VPS13B: variants seen among roughly 807,000 people sequenced by gnomAD.
VPS13B encodes vacuolar protein sorting 13 homolog B.
A neutral mutation model predicts 426.4 loss-of-function variants in VPS13B; 285 were observed. The observed-to-expected ratio is 0.67, with a 90% CI of 0.61 to 0.74. The LOEUF is 0.74. Among genes scored for constraint, VPS13B ranks in the 30% least tolerant of loss-of-function variants. VPS13B has a pLI of 0.00. For missense variants in VPS13B, 4,537 were observed against 4,782.6 expected, an observed-to-expected ratio of 0.95 and a Z score of 1.51; for synonymous variants, 1,676 against 1,676.4, an observed-to-expected ratio of 1.00 and a Z score of 0.01.
At chr8:99,205,257 G>A (rs950413107) in intron 17 of VPS13B, among the ~76,000 whole-genome samples, 11 of 152,096 alleles carry the variant, frequency 7.2e-5, no homozygotes, top group African/African-American at 2.4e-5. Context: ...CACATGAACA[G>A]AAAACCAAAC....
intron 19 of VPS13B, among the ~76,000 whole-genome samples, chr8:99,285,293 A>G (rs910147187): frequency 1.3e-5 from 2 of 152,206 alleles, no homozygotes; most frequent in African/African-American, 4.8e-5. Context: ...GAAAGGTCCC[A>G]GATTCTGGAA....
At chr8:99,150,560 A>G (rs1356208063) in intron 14 of VPS13B, among the ~76,000 whole-genome samples, 2 of 152,098 alleles carry the variant, frequency 1.3e-5, no homozygotes, top group Admixed American at 6.6e-5. Flanking sequence ...CTCCCTAACC[A>G]CTGGCAACCA....
chr8:99,704,836 C>T (rs1213842326), intron 36 of VPS13B, among the ~76,000 whole-genome samples: 2 of 152,068 alleles, frequency 1.3e-5, no homozygotes, highest in African/African-American at 4.8e-5. Context: ...TTTTATTTGT[C>T]ATTTTGGCAT....
intron 43 of VPS13B, among the ~76,000 whole-genome samples, chr8:99,802,859 T>G (rs1486694577): frequency 6.6e-6 from 1 of 152,206 alleles, no homozygotes; most frequent in Non-Finnish European, 1.5e-5. Flanking sequence ...TATCTTTCCC[T>G]TCCCAACACT....
intron 16 of VPS13B, among the ~76,000 whole-genome samples, chr8:99,179,589 C>A (rs573996772): frequency 8.5e-5 from 13 of 152,102 alleles, no homozygotes; most frequent in African/African-American, 2.9e-4. Flanking sequence ...TGGTCACTTC[C>A]CCTCTAAAAT....
intron 15 of VPS13B, among the ~76,000 whole-genome samples, chr8:99,169,224 C>T (rs1299051192): frequency 6.6e-6 from 1 of 151,920 alleles, no homozygotes; most frequent in Non-Finnish European, 1.5e-5. Context: ...AAAACAGTAA[C>T]TCTTTGTTTT....
At chr8:99,096,173 A>T in intron 3 of VPS13B, 139 bp from the exon 4 acceptor site, 1 of 914,322 alleles carries the variant, frequency 1.1e-6, no homozygotes, top group Non-Finnish European at 1.6e-6. Flanking sequence ...TTGGTTATGT[A>T]GTTTTTAGAG....
intron 19 of VPS13B, among the ~76,000 whole-genome samples, chr8:99,379,856 A>T (rs1043152576): frequency 6.6e-6 from 1 of 152,166 alleles, no homozygotes; most frequent in Non-Finnish European, 1.5e-5. Flanking sequence ...AAAGAAATTC[A>T]TAGTAATTTA....
intron 49 of VPS13B, 126 bp from the exon 50 acceptor site, chr8:99,821,142 ACACACACACACACACACACACACACC>A: frequency 3.3e-6 from 2 of 604,406 alleles, no homozygotes; most frequent in Non-Finnish European, 5.8e-6. Context: ...ACACACACAC[ACACACACACACACACACACACACACC>A]ATGGAGGGAT....
At chr8:99,108,792 GT>G (rs1847190026) in intron 5 of VPS13B, among the ~76,000 whole-genome samples, 1 of 151,902 alleles carries the variant, frequency 6.6e-6, no homozygotes, top group African/African-American at 2.4e-5. Context: ...TTTTAGGATT[GT>G]TTTTTCTTAT....
chr8:99,299,570 A>T (rs1262734379), intron 19 of VPS13B, among the ~76,000 whole-genome samples: 1 of 151,884 alleles, frequency 6.6e-6, no homozygotes, highest in Non-Finnish European at 1.5e-5. Context: ...TTGTTGCACC[A>T]TGCTAAACTT....
chr8:99,021,739 C>T (rs1434108595), intron 2 of VPS13B, among the ~76,000 whole-genome samples: 1 of 152,160 alleles, frequency 6.6e-6, no homozygotes, highest in African/African-American at 2.4e-5. Context: ...ATCTTCCCAC[C>T]TCTGCCCCCT....
At chr8:99,214,707 A>G (rs1815290949) in intron 17 of VPS13B, among the ~76,000 whole-genome samples, 1 of 152,164 alleles carries the variant, frequency 6.6e-6, no homozygotes, top group African/African-American at 2.4e-5. Flanking sequence ...ATTTCTCTCC[A>G]TCTTTACTTC....
intron 30 of VPS13B, among the ~76,000 whole-genome samples, chr8:99,522,441 G>T (rs554487065): frequency 6.6e-6 from 1 of 152,094 alleles, no homozygotes; most frequent in East Asian, 1.9e-4. Context: ...TTTACTTTCT[G>T]GGAACAATTG....
intron 35 of VPS13B, among the ~76,000 whole-genome samples, chr8:99,667,667 AT>A (rs1308020073): frequency 6.6e-6 from 1 of 152,146 alleles, no homozygotes; most frequent in Admixed American, 6.6e-5. Context: ...AGTAGATGTT[AT>A]TTCATAGAGT....
intron 33 of VPS13B, among the ~76,000 whole-genome samples, chr8:99,619,510 G>T (rs1828259670): frequency 1.3e-5 from 2 of 152,072 alleles, no homozygotes; most frequent in African/African-American, 4.8e-5. Flanking sequence ...ACCTCTTCTG[G>T]CACTTGGCCA....
chr8:99,646,351 C>CA (rs1563842395), intron 34 of VPS13B, among the ~76,000 whole-genome samples: 1 of 152,120 alleles, frequency 6.6e-6, no homozygotes, highest in East Asian at 1.9e-4. Context: ...CCCATCTCTA[C>CA]AAAAAATTAC....
intron 44 of VPS13B, among the ~76,000 whole-genome samples, chr8:99,815,665 G>T (rs984240397): frequency 2.6e-5 from 4 of 152,022 alleles, no homozygotes; most frequent in East Asian, 3.9e-4. Context: ...GTATGTGTGT[G>T]TGTGTTATTC....
chr8:99,561,393 A>G (rs192438301), intron 31 of VPS13B, among the ~76,000 whole-genome samples: 108 of 152,274 alleles, frequency 7.1e-4, no homozygotes, highest in African/African-American at 2.4e-3. Context: ...CAGTATTTCA[A>G]TCTTTTTATA....
Sources: allele counts gnomAD v4.1 joint callset (sites outside exome capture counted in the v4.1 genomes callset), GRCh38; gene constraint gnomAD v4.1.1; transcripts MANE v1.5; gene names NCBI Gene and HGNC (gene_info 2026-07-23, HGNC 2026-07-21).